The following PCCA variants were observed in gnomAD, a reference collection of about 807,000 sequenced individuals.
PCCA encodes the protein propionyl-CoA carboxylase subunit alpha.
A neutral mutation model predicts 101.3 loss-of-function variants in PCCA; 74 were observed. The ratio of observed to expected loss-of-function variants is 0.73; its 90% CI spans 0.61 to 0.89. The LOEUF (loss-of-function observed/expected upper bound fraction) is 0.89. PCCA is among the 40% of genes least tolerant of loss of function. The pLI is 0.00. For missense variants in PCCA, 891 were observed against 907.0 expected, an observed-to-expected ratio of 0.98 and a Z score of 0.23; for synonymous variants, 294 against 313.6, an observed-to-expected ratio of 0.94 and a Z score of 0.66.
At chr13:100,153,826 G>GA (rs887430925) in intron 4 of PCCA, among the ~76,000 whole-genome samples, 4 of 152,112 alleles carry the variant, frequency 2.6e-5, no homozygotes, top group Non-Finnish European at 5.9e-5. Context: ...ATATTGACCT[G>GA]AAAATCCCTT....
chr13:100,252,074 A>C (rs1023174884), intron 8 of PCCA, among the ~76,000 whole-genome samples: 2 of 152,170 alleles, frequency 1.3e-5, no homozygotes, highest in East Asian at 1.9e-4. Context: ...AATGCGTACT[A>C]TCTATGTAAT....
chr13:100,106,651 G>A (rs1281814129), intron 2 of PCCA, among the ~76,000 whole-genome samples: 1 of 152,096 alleles, frequency 6.6e-6, no homozygotes, highest in African/African-American at 2.4e-5. Flanking sequence ...CTGACCTCAG[G>A]TGATCCACCT....
intron 18 of PCCA, among the ~76,000 whole-genome samples, chr13:100,356,463 A>C (rs1024621303): frequency 6.6e-6 from 1 of 152,150 alleles, no homozygotes; most frequent in African/African-American, 2.4e-5. Flanking sequence ...AAAATTTTTC[A>C]AAAAAGATAT....
chr13:100,112,108 A>G, intron 4 of PCCA, 47 bp downstream of exon 4: 4 of 1,382,768 alleles, frequency 2.9e-6, no homozygotes, highest in Non-Finnish European at 4.1e-6. Flanking sequence ...ATTTTGGGTC[A>G]AGCAGAAAAA....
rs1374880547 is a variant in PCCA, at chr13:100,233,871, A to C, written c.601-1971A>C. ...AGAAGTGTTGGATTTGTGGCAGTGG[A>C]ATTTTTAATTTGCTGTGTCAGATAT... On this transcript the variant is annotated intron_variant, in intron 7 of 23. Coordinates refer to ENST00000376285, the MANE Select transcript of PCCA (RefSeq NM_000282.4). 3.3e-5 allele frequency among the ~76,000 whole-genome samples: 5 copies of C among 152,176 alleles called. No homozygotes were observed. The East Asian group carries it at 9.6e-4, about 29-fold the overall frequency.
intron 21 of PCCA, among the ~76,000 whole-genome samples, chr13:100,470,667 A>T (rs1271645082): frequency 1.3e-5 from 2 of 152,086 alleles, no homozygotes; most frequent in East Asian, 1.9e-4. Context: ...AAATAAAAAT[A>T]AAAAATAAAA....
chr13:100,263,781 A>G (rs941191106), intron 10 of PCCA, among the ~76,000 whole-genome samples: 3 of 151,882 alleles, frequency 2.0e-5, no homozygotes, highest in African/African-American at 7.2e-5. Context: ...TATATCATAT[A>G]TACGGTATCT....
chr13:100,272,287 G>C (rs913341842), intron 11 of PCCA, among the ~76,000 whole-genome samples: 1 of 152,146 alleles, frequency 6.6e-6, no homozygotes, highest in Non-Finnish European at 1.5e-5. Flanking sequence ...TCCCCTAGGG[G>C]AAATACAGGG....
chr13:100,366,873 G>A (rs1241324619), intron 18 of PCCA, among the ~76,000 whole-genome samples: 2 of 151,922 alleles, frequency 1.3e-5, no homozygotes, highest in Admixed American at 1.3e-4. Flanking sequence ...AGAAGTGGTA[G>A]GTCAAATACA....
At chr13:100,111,724 G>T (rs578247589) in intron 2 of PCCA, 117 bp from the exon 3 acceptor site, 1 of 679,418 alleles carries the variant, frequency 1.5e-6, no homozygotes, top group African/African-American at 1.8e-5. Context: ...ACTCTAGGAA[G>T]TAATGTTTAT....
At chr13:100,503,390 T>A (rs1324793633) in intron 21 of PCCA, among the ~76,000 whole-genome samples, 4 of 152,144 alleles carry the variant, frequency 2.6e-5, no homozygotes, top group Non-Finnish European at 4.4e-5. Context: ...CTCGGGAGGC[T>A]GAGGCAGGAG....
intron 6 of PCCA, among the ~76,000 whole-genome samples, chr13:100,186,738 C>CAAAAAAAAAAAAAA (rs376028376): frequency 4.4e-4 from 37 of 84,006 alleles, no homozygotes; most frequent in Middle Eastern, 7.5e-3. Flanking sequence ...GATTCCATCT[C>CAAAAAAAAAAAAAA]AAAAAAAAAA....
intron 18 of PCCA, among the ~76,000 whole-genome samples, chr13:100,344,772 T>C (rs141081893): frequency 4.1e-4 from 63 of 152,348 alleles, no homozygotes; most frequent in African/African-American, 1.5e-3. Context: ...TTTTTACGGA[T>C]TGAAGGTTTA....
chr13:100,467,350 C>T (rs1331345635), intron 21 of PCCA, among the ~76,000 whole-genome samples: 2 of 152,120 alleles, frequency 1.3e-5, no homozygotes, highest in East Asian at 3.9e-4. Context: ...GAGCCAGTTA[C>T]TCTTGTATAG....
chr13:100,403,024 C>G (rs1016993274), intron 19 of PCCA, among the ~76,000 whole-genome samples: 2 of 148,772 alleles, frequency 1.3e-5, no homozygotes, highest in Admixed American at 6.7e-5. Context: ...TTTAATTAAG[C>G]AACCAGAAGC....
At chr13:100,369,445 G>C (rs1435820091) in intron 19 of PCCA, among the ~76,000 whole-genome samples, 1 of 152,258 alleles carries the variant, frequency 6.6e-6, no homozygotes, top group East Asian at 1.9e-4. Flanking sequence ...CTTGATCTCA[G>C]TGAGAAAATA....
intron 8 of PCCA, among the ~76,000 whole-genome samples, chr13:100,252,033 A>G (rs1594937111): frequency 1.3e-5 from 2 of 152,332 alleles, no homozygotes; most frequent in East Asian, 3.9e-4. Flanking sequence ...ACTACTTTAC[A>G]TTAGAGGAGC....
At chr13:100,123,203 C>T (rs1206225521) in intron 4 of PCCA, among the ~76,000 whole-genome samples, 2 of 152,134 alleles carry the variant, frequency 1.3e-5, no homozygotes, top group African/African-American at 4.8e-5. Context: ...TTACAGGTGC[C>T]TGCCACCATG....
At chr13:100,369,076 A>G (rs2075399478) in intron 19 of PCCA, among the ~76,000 whole-genome samples, 1 of 152,196 alleles carries the variant, frequency 6.6e-6, no homozygotes, top group African/African-American at 2.4e-5. Flanking sequence ...TTGGAATTCT[A>G]GTCTATAGTG....
Sources: allele counts gnomAD v4.1 joint callset (sites outside exome capture counted in the v4.1 genomes callset), GRCh38; gene constraint gnomAD v4.1.1; transcripts MANE v1.5; gene names NCBI Gene and HGNC (gene_info 2026-07-23, HGNC 2026-07-21).